SPOCK3: variants seen among roughly 807,000 people sequenced by gnomAD.
SPOCK3 encodes the protein testican-3.
SPOCK3 carries 30 observed loss-of-function variants against 56.6 expected under a neutral mutation model. That is an observed-to-expected ratio of 0.53 (90% CI 0.40 to 0.72). The LOEUF (loss-of-function observed/expected upper bound fraction) is 0.72, where lower values mean the gene tolerates loss of function less well. SPOCK3 is among the 30% of genes least tolerant of loss of function. The pLI is 0.00. For missense variants in SPOCK3, 527 were observed against 530.0 expected (o/e 0.99, Z 0.06); for synonymous variants, 196 against 183.3 (o/e 1.07, Z -0.56).
intron 6 of SPOCK3, among the ~76,000 whole-genome samples, chr4:166,797,294 TG>T (rs1335357507): frequency 7.6e-6 from 1 of 131,112 alleles, no homozygotes; most frequent in Non-Finnish European, 1.6e-5. Flanking sequence ...TGGAGTGCAA[TG>T]TTTCTAAGTG....
chr4:167,075,100 A>C (rs1418966970), intron 2 of SPOCK3, among the ~76,000 whole-genome samples: 1 of 151,904 alleles, frequency 6.6e-6, no homozygotes, highest in Non-Finnish European at 1.5e-5. Context: ...CAAATTCAGT[A>C]AACTTTGTTG....
intron 4 of SPOCK3, among the ~76,000 whole-genome samples, chr4:166,927,618 G>A (rs1013348462): frequency 3.3e-5 from 5 of 152,118 alleles, no homozygotes; most frequent in African/African-American, 1.2e-4. Flanking sequence ...GCAAAACTAT[G>A]AGACACCTAG....
intron 4 of SPOCK3, among the ~76,000 whole-genome samples, chr4:166,979,419 C>CA (rs1484402408): frequency 6.6e-6 from 1 of 152,210 alleles, no homozygotes. Flanking sequence ...TTTAATGAGA[C>CA]ATTTCCATTG....
chr4:167,225,058 ATC>A (rs1158962504), intron 2 of SPOCK3, among the ~76,000 whole-genome samples: 1 of 152,222 alleles, frequency 6.6e-6, no homozygotes, highest in Non-Finnish European at 1.5e-5. Context: ...GAATTTAATT[ATC>A]TCTGTTTTAC....
Position 166,912,657 on chromosome 4 carries a change from G to C in SPOCK3, c.437C>G (p.Pro146Arg). The C allele has an allele frequency of 6.2e-7, 1 of 1,613,636 alleles. No homozygotes were observed. Among genetic ancestry groups the C allele is most frequent in the Non-Finnish European group, 8.5e-7 (1 of 1,179,812 alleles). The change falls in exon 5 of 11, where the codon CCT (proline) becomes CGT (arginine). Residue 146 changes from proline (P) to arginine (R), a missense_variant. By Grantham distance (103) the Pro-to-Arg change is moderately radical. Transcript: ENST00000357545. Reference protein sequence around the residue: ...CKQCPVVYPSPVCGSDGHTYS... With the variant: ...CKQCPVVYPSRVCGSDGHTYS... ...GGTATGACCATCTGAACCACAAACA[G>C]GGCTGGGATAGACCACTGGGCACTG... is the stretch of plus-strand genomic sequence containing the variant.
chr4:166,744,796 C>T (rs932562249), intron 8 of SPOCK3, among the ~76,000 whole-genome samples: 2 of 152,010 alleles, frequency 1.3e-5, no homozygotes, highest in Non-Finnish European at 2.9e-5. Context: ...CCTTAAGTGA[C>T]CTGATGGAGC....
chr4:167,024,009 C>G (rs1195253053), intron 3 of SPOCK3, among the ~76,000 whole-genome samples: 1 of 152,032 alleles, frequency 6.6e-6, no homozygotes, highest in African/African-American at 2.4e-5. Context: ...TACTCCATGT[C>G]TGCATGCCTC....
chr4:166,915,983 A>G (rs964291493), intron 4 of SPOCK3, among the ~76,000 whole-genome samples: 1 of 152,202 alleles, frequency 6.6e-6, no homozygotes, highest in African/African-American at 2.4e-5. Context: ...GCTCCACTGG[A>G]ATAAACGTAT....
intron 3 of SPOCK3, among the ~76,000 whole-genome samples, chr4:167,045,237 T>C (rs1490865388): frequency 6.6e-6 from 1 of 152,140 alleles, no homozygotes. Context: ...AGTGTGAGTA[T>C]GGTATATCTT....
chr4:166,893,113 C>T (rs1734964013), intron 5 of SPOCK3, among the ~76,000 whole-genome samples: 1 of 152,030 alleles, frequency 6.6e-6, no homozygotes, highest in South Asian at 2.1e-4. Context: ...TAGTTAGAAG[C>T]CAGGAATGCT....
rs903317304 is a variant in SPOCK3 at position 167,188,634 on chromosome 4, TAAGAA to T, written c.189+45346_189+45350del. On this transcript the variant is annotated intron_variant, in intron 2 of 10. Transcript: ENST00000357545. ...AGCCCCAAATAAGCGAAAAAATAAATAAGAAAAGAGCAGAAAAAAACAAAAACCAG... is the reference window on the plus strand; with the variant it reads ...AGCCCCAAATAAGCGAAAAAATAAATAAGAGCAGAAAAAAACAAAAACCAG... Among the ~76,000 whole-genome samples the T allele has an allele frequency of 2.1e-4, 30 of 144,452 alleles. 6 individuals are homozygous for T. Among genetic ancestry groups the T allele is most frequent in the African/African-American group, 7.4e-4 (28 of 37,728 alleles). 94.8% of individuals were successfully genotyped at this position (144,452 alleles called of 152,430 possible). A position where few individuals can be genotyped will look rare whatever the true frequency, so the allele number is the denominator to read the frequency against.
chr4:166,997,807 C>T (rs1270357371), intron 4 of SPOCK3, among the ~76,000 whole-genome samples: 1 of 152,114 alleles, frequency 6.6e-6, no homozygotes, highest in Non-Finnish European at 1.5e-5. Flanking sequence ...ACTGTATTCC[C>T]CTTGCAGGAA....
Position 167,142,015 on chromosome 4 carries a change from T to C in SPOCK3, c.190-79478A>G, listed in dbSNP as rs1387522842. The stretch of plus-strand genomic sequence containing the variant: ...TGGAAGGAAGATGTCAATGGACCAA[T>C]GGCTTCTAAAGGAAAATTATTTCCA... On this transcript the variant is annotated intron_variant, in intron 2 of 10. Coordinates refer to ENST00000357545, the MANE Select transcript of SPOCK3 (RefSeq NM_001040159.2). Among the ~76,000 whole-genome samples, 13 of 152,174 alleles carry C rather than the reference T, an allele frequency of 8.5e-5. No homozygotes were observed. In the East Asian group the frequency reaches 2.3e-3, roughly 27 times the overall value.
At chr4:166,844,090 T>C (rs1747798484) in intron 6 of SPOCK3, among the ~76,000 whole-genome samples, 2 of 152,200 alleles carry the variant, frequency 1.3e-5, no homozygotes, top group African/African-American at 4.8e-5. Flanking sequence ...CAGCCCAGAC[T>C]GAAAGTGGTT....
intron 6 of SPOCK3, among the ~76,000 whole-genome samples, chr4:166,829,844 G>A (rs1228163684): frequency 6.6e-6 from 1 of 151,884 alleles, no homozygotes; most frequent in African/African-American, 2.4e-5. Flanking sequence ...ATCTCCCAAG[G>A]CACACAGATT....
At chr4:167,160,145 T>C (rs1022105211) in intron 2 of SPOCK3, among the ~76,000 whole-genome samples, 5 of 152,208 alleles carry the variant, frequency 3.3e-5, no homozygotes, top group East Asian at 1.9e-4. Context: ...GAAAACCCCA[T>C]TGTCTCAGCC....
At chr4:167,093,421 T>C (rs1437033394) in intron 2 of SPOCK3, among the ~76,000 whole-genome samples, 1 of 152,136 alleles carries the variant, frequency 6.6e-6, no homozygotes. Flanking sequence ...TATGTATTTC[T>C]CCTAATGCTC....
intron 2 of SPOCK3, chr4:167,119,861 C>A: frequency 6.6e-7 from 1 of 1,525,416 alleles, no homozygotes; most frequent in South Asian, 1.2e-5. Flanking sequence ...GTCAAATAAT[C>A]GTTTTTCTTC....
chr4:167,179,085 C>T (rs7662612), intron 2 of SPOCK3, among the ~76,000 whole-genome samples: 6,527 of 152,112 alleles, frequency 0.043, 442 homozygotes, highest in African/African-American at 0.15. Context: ...GCTATTTGCA[C>T]GAAACAGTTT....
Sources: allele counts gnomAD v4.1 joint callset (sites outside exome capture counted in the v4.1 genomes callset), GRCh38; gene constraint gnomAD v4.1.1; transcripts MANE v1.5; gene names NCBI Gene and HGNC (gene_info 2026-07-23, HGNC 2026-07-21).